POT1: variants seen among roughly 807,000 people sequenced by gnomAD.
POT1 encodes the protein protection of telomeres 1.
A neutral mutation model predicts 78.5 loss-of-function variants in POT1; 47 were observed. That is an observed-to-expected ratio of 0.60 (90% confidence interval 0.47 to 0.76). POT1 has a LOEUF of 0.76. Among genes scored for constraint, POT1 ranks in the 30% least tolerant of loss-of-function variants. POT1 has a pLI of 0.00. For missense variants in POT1, 646 were observed against 749.9 expected, an observed-to-expected ratio of 0.86 and a Z score of 1.62; for synonymous variants, 259 against 260.7, an observed-to-expected ratio of 0.99 and a Z score of 0.06.
intron 6 of POT1, among the ~76,000 whole-genome samples, chr7:124,875,720 G>A (rs904162005): frequency 6.6e-6 from 1 of 152,090 alleles, no homozygotes; most frequent in Non-Finnish European, 1.5e-5. Context: ...ATGAAAATAT[G>A]TTTCTAAAAA....
chr7:124,841,974 T>C (rs1795038724), intron 13 of POT1, among the ~76,000 whole-genome samples: 1 of 151,966 alleles, frequency 6.6e-6, no homozygotes. Context: ...GATTTTAAAA[T>C]AAAAAATTTC....
chr7:124,851,307 A>G (rs1391143774), intron 11 of POT1, among the ~76,000 whole-genome samples: 1 of 152,074 alleles, frequency 6.6e-6, no homozygotes, highest in East Asian at 1.9e-4. Flanking sequence ...TGTCTCTTAA[A>G]CAAACAAAAA....
intron 3 of POT1, among the ~76,000 whole-genome samples, chr7:124,911,510 T>C (rs951045798): frequency 7.2e-5 from 11 of 152,164 alleles, no homozygotes; most frequent in African/African-American, 1.9e-4. Context: ...CTCAGAGAAA[T>C]GGTCCGATGA....
intron 9 of POT1, among the ~76,000 whole-genome samples, chr7:124,854,274 A>G (rs1463007887): frequency 6.6e-6 from 1 of 151,868 alleles, no homozygotes; most frequent in Non-Finnish European, 1.5e-5. Context: ...CCTGAAAGTA[A>G]TTTTCTATAA....
intron 2 of POT1, among the ~76,000 whole-genome samples, chr7:124,919,696 C>T (rs1797101373): frequency 6.6e-6 from 1 of 152,100 alleles, no homozygotes; most frequent in Admixed American, 6.6e-5. Context: ...CAGAAGAAAC[C>T]AACCCTGCAG....
chr7:124,875,473 C>T (rs1464839034), intron 6 of POT1, among the ~76,000 whole-genome samples: 1 of 152,092 alleles, frequency 6.6e-6, no homozygotes, highest in Admixed American at 6.6e-5. Context: ...TTTTGAGTTT[C>T]TTCTTTAGCT....
rs1794549927 is a variant in POT1, at chr7:124,823,323, T to C, written c.*639A>G. 1 of 151,926 alleles carries C rather than the reference T, an allele frequency of 6.6e-6. No individual in the cohort carries two copies. The highest frequency in any genetic ancestry group is 1.5e-5 in the Non-Finnish European group (1 of 67,926). The allele number at this position is 151,926 out of a possible 1,614,324, so 9.4% of individuals were successfully genotyped here. A position where few individuals can be genotyped will look rare whatever the true frequency, so the allele number is the denominator to read the frequency against. On this transcript the variant is annotated 3_prime_UTR_variant, in exon 19 of 19. Transcript: ENST00000357628. ...GTAATTTATATCTGTCTTTGGCAAA[T>C]AACATACACAAATCTATATATATAT...
chr7:124,907,271 C>T (rs1252651691), intron 3 of POT1, among the ~76,000 whole-genome samples: 1 of 152,082 alleles, frequency 6.6e-6, no homozygotes, highest in African/African-American at 2.4e-5. Context: ...GTCACATTGC[C>T]TTACAAAGAG....
intron 6 of POT1, among the ~76,000 whole-genome samples, chr7:124,878,952 C>G (rs1001631496): frequency 6.7e-6 from 1 of 149,772 alleles, no homozygotes; most frequent in East Asian, 1.9e-4. Flanking sequence ...ATAAAGTTGA[C>G]GAATAAGAAA....
chr7:124,875,676 CTATA>C (rs1795974825), intron 6 of POT1, among the ~76,000 whole-genome samples: 1 of 152,008 alleles, frequency 6.6e-6, no homozygotes, highest in South Asian at 2.1e-4. Flanking sequence ...AGATGATATC[CTATA>C]TAAAGTTTCT....
intron 13 of POT1, 93 bp downstream of exon 13, chr7:124,842,714 A>AT: frequency 9.7e-7 from 1 of 1,029,502 alleles, no homozygotes. Context: ...TATATTAACA[A>AT]TTTACTTATT....
intron 6 of POT1, among the ~76,000 whole-genome samples, chr7:124,872,418 T>A (rs1248001208): frequency 1.3e-5 from 2 of 152,152 alleles, no homozygotes; most frequent in East Asian, 3.8e-4. Context: ...AATGGAAAAT[T>A]ACAGAAATAA....
intron 10 of POT1, among the ~76,000 whole-genome samples, chr7:124,852,377 T>C (rs1795332235): frequency 6.6e-6 from 1 of 152,174 alleles, no homozygotes; most frequent in Non-Finnish European, 1.5e-5. Context: ...GAACAGTATG[T>C]TTTCTCTTTG....
intron 5 of POT1, among the ~76,000 whole-genome samples, chr7:124,895,557 C>A (rs1796472346): frequency 7.5e-6 from 1 of 134,112 alleles, no homozygotes; most frequent in Admixed American, 7.6e-5. Context: ...TTCTGTCCTT[C>A]CTTCATTCAT....
At chr7:124,927,646 T>C (rs985520969) in intron 2 of POT1, among the ~76,000 whole-genome samples, 2 of 152,214 alleles carry the variant, frequency 1.3e-5, no homozygotes, top group East Asian at 3.9e-4. Flanking sequence ...TCTTCTCTTC[T>C]ATGCTTTGGC....
intron 6 of POT1, among the ~76,000 whole-genome samples, chr7:124,877,633 C>T (rs1486850245): frequency 6.6e-6 from 1 of 151,728 alleles, no homozygotes; most frequent in African/African-American, 2.4e-5. Flanking sequence ...GAGATCGAGA[C>T]CATCCTGGCT....
intron 6 of POT1, among the ~76,000 whole-genome samples, chr7:124,883,552 G>A (rs764747984): frequency 1.5e-4 from 23 of 151,886 alleles, no homozygotes; most frequent in African/African-American, 4.3e-4. Context: ...TATTTTATGC[G>A]CCATACATTA....
At chr7:124,829,125 A>G (rs1237565989) in intron 16 of POT1, 129 bp downstream of exon 16, 41 of 785,586 alleles carry the variant, frequency 5.2e-5, no homozygotes, top group Non-Finnish European at 7.4e-5. Flanking sequence ...AAGTCTGTTT[A>G]TCTTACAGAG....
intron 6 of POT1, among the ~76,000 whole-genome samples, chr7:124,890,289 T>G (rs1796338884): frequency 6.6e-6 from 1 of 151,928 alleles, no homozygotes; most frequent in Non-Finnish European, 1.5e-5. Flanking sequence ...AATCTCATAA[T>G]AAAACTTCAA....
Sources: allele counts gnomAD v4.1 joint callset (sites outside exome capture counted in the v4.1 genomes callset), GRCh38; gene constraint gnomAD v4.1.1; transcripts MANE v1.5; gene names NCBI Gene and HGNC (gene_info 2026-07-23, HGNC 2026-07-21).